FAAH2: variants seen among roughly 807,000 people sequenced by gnomAD.
FAAH2 encodes fatty acid amide hydrolase 2.
Under a neutral mutation model 36.9 loss-of-function variants are expected in FAAH2, and 60 were observed. The observed-to-expected ratio is 1.63, with a 90% CI of 1.32 to 2.02. The LOEUF is 2.02. Ranked by LOEUF, FAAH2 falls within the 30% of genes most tolerant of loss-of-function variation. The pLI, the probability that FAAH2 is intolerant of heterozygous loss-of-function variation, is 0.00. For missense variants in FAAH2, 689 were observed against 397.5 expected (o/e 1.73, Z -6.23); for synonymous variants, 214 against 143.8 (o/e 1.49, Z -3.49).
At chrX:57,222,246 C>T in the FAAH2 span, among the ~76,000 whole-genome samples, 6 of 111,258 alleles carry the variant, frequency 5.4e-5, no homozygotes, top group Non-Finnish European at 9.4e-5. Flanking sequence ...ACCATTATAC[C>T]AGGCTGCTAA....
intron 5 of FAAH2, among the ~76,000 whole-genome samples, chrX:57,350,840 T>C (rs2053980787): frequency 1.8e-5 from 2 of 111,425 alleles, no homozygotes; most frequent in Non-Finnish European, 3.8e-5. Context: ...GCATCCAAAT[T>C]GATAAATATC....
At chrX:57,342,943 C>T (rs969829295) in intron 5 of FAAH2, among the ~76,000 whole-genome samples, 2 of 111,582 alleles carry the variant, frequency 1.8e-5, no homozygotes, top group African/African-American at 6.5e-5. Context: ...CATACTATTG[C>T]AAAGGAATAT....
chrX:57,440,209 A>G lies in FAAH2; in HGVS notation c.1117-6719A>G, dbSNP rs749668038. Among the ~76,000 whole-genome samples, 12 of 111,221 alleles carry G rather than the reference A, an allele frequency of 1.1e-4. No homozygotes were observed. The South Asian group carries it at 4.5e-3, about 42-fold the overall frequency. On this transcript the variant is annotated intron_variant, in intron 8 of 10. Transcript: ENST00000374900. ...CCTTGGGCAGTATGACCATTTTCAA[A>G]ATATTGATTCTTCCTATCCATGAGC...
At chrX:57,430,195 A>T (rs2056261647) in intron 7 of FAAH2, among the ~76,000 whole-genome samples, 1 of 111,847 alleles carries the variant, frequency 8.9e-6, no homozygotes, top group Non-Finnish European at 1.9e-5. Context: ...AAACAAAAAC[A>T]AAAACACCTC....
intron 7 of FAAH2, among the ~76,000 whole-genome samples, chrX:57,385,767 G>A (rs2055004897): frequency 9.0e-6 from 1 of 110,987 alleles, no homozygotes; most frequent in Admixed American, 9.6e-5. Flanking sequence ...AATTAGCCGG[G>A]CGCGGTGGCG....
chrX:57,267,717 G>A, the FAAH2 span, among the ~76,000 whole-genome samples: 5 of 112,142 alleles, frequency 4.5e-5, no homozygotes, highest in South Asian at 3.7e-4. Flanking sequence ...TTTACAGCAC[G>A]CAGCCCAGAA....
chrX:57,336,825 C>G (rs919343050), intron 4 of FAAH2, among the ~76,000 whole-genome samples: 4 of 110,941 alleles, frequency 3.6e-5, no homozygotes, highest in Non-Finnish European at 7.6e-5. Flanking sequence ...CCTAACATCA[C>G]AACTAAAAGA....
At chrX:57,174,741 G>C in the FAAH2 span, among the ~76,000 whole-genome samples, 11 of 111,461 alleles carry the variant, frequency 9.9e-5, no homozygotes, top group Admixed American at 1.1e-3. Flanking sequence ...TCTTAGCCCT[G>C]CTTTTGCTGT....
the FAAH2 span, among the ~76,000 whole-genome samples, chrX:57,187,592 C>A: frequency 9.0e-6 from 1 of 111,014 alleles, no homozygotes; most frequent in Non-Finnish European, 1.9e-5. Flanking sequence ...ACCAGAACTT[C>A]CAATACTATA....
chrX:57,452,648 C>G (rs1420320880), intron 10 of FAAH2, among the ~76,000 whole-genome samples: 1 of 112,020 alleles, frequency 8.9e-6, no homozygotes, highest in Non-Finnish European at 1.9e-5. Flanking sequence ...GTTAAACTAA[C>G]AAATACATAA....
intron 3 of FAAH2, among the ~76,000 whole-genome samples, chrX:57,323,880 A>G (rs189943660): frequency 0.01 from 1,133 of 110,814 alleles, 8 homozygotes; most frequent in Non-Finnish European, 0.017. Flanking sequence ...TTTTGCTGCC[A>G]TTGCTTTTCA....
intron 2 of FAAH2, among the ~76,000 whole-genome samples, chrX:57,306,994 G>GATATATATATATATGTATATATAT (rs770040896): frequency 6.4e-5 from 2 of 31,023 alleles, no homozygotes; most frequent in Non-Finnish European, 7.3e-5. Flanking sequence ...CACACACACA[G>GATATATATATATATGTATATATAT]ATACATATAT....
chrX:57,397,514 T>C (rs2055333324), intron 7 of FAAH2, among the ~76,000 whole-genome samples: 1 of 111,366 alleles, frequency 9.0e-6, no homozygotes, highest in Non-Finnish European at 1.9e-5. Context: ...CTTTACGTTT[T>C]TTCATTTATA....
intron 10 of FAAH2, among the ~76,000 whole-genome samples, chrX:57,472,545 G>A (rs2057190011): frequency 9.0e-6 from 1 of 111,628 alleles, no homozygotes; most frequent in African/African-American, 3.2e-5. Context: ...GCCTCAGTAG[G>A]ATGACACCAG....
intron 7 of FAAH2, among the ~76,000 whole-genome samples, chrX:57,408,041 A>T (rs181534231): frequency 9.0e-6 from 1 of 111,340 alleles, no homozygotes; most frequent in African/African-American, 3.3e-5. Flanking sequence ...TACTGTTTTG[A>T]TTACTATAGC....
chrX:57,242,573 G>A, the FAAH2 span, among the ~76,000 whole-genome samples: 1 of 111,439 alleles, frequency 9.0e-6, no homozygotes, highest in Non-Finnish European at 1.9e-5. Flanking sequence ...TCATCTCATT[G>A]GGACTGGTTA....
the FAAH2 span, among the ~76,000 whole-genome samples, chrX:57,242,055 A>C: frequency 5.3e-5 from 6 of 112,628 alleles, no homozygotes; most frequent in Non-Finnish European, 1.1e-4. Context: ...CTCTGCAGAG[A>C]GCAGCGTATC....
chrX:57,385,178 T>A (rs1446694849), intron 7 of FAAH2, among the ~76,000 whole-genome samples: 1 of 107,837 alleles, frequency 9.3e-6, no homozygotes, highest in East Asian at 2.9e-4. Context: ...ATACCTAATG[T>A]GAATGATGAG....
rs1046556004 is a variant in FAAH2, at chrX:57,393,397, G to T, written c.996+12368G>T. 3.4e-5 allele frequency: 25 copies of T among 742,650 alleles called. No individual in the cohort carries two copies. The African/African-American group carries it at 5.0e-4, about 15-fold the overall frequency. The allele number at this position is 742,650 out of a possible 1,213,427, so 61.2% of individuals were successfully genotyped here. Reference sequence around the variant, plus strand: ...GGTGGAGACCGGAATACTGGGATTTGATGTTAAGAAACTTTTCTATTCCAA... The same window carrying T: ...GGTGGAGACCGGAATACTGGGATTTTATGTTAAGAAACTTTTCTATTCCAA... On this transcript the variant is annotated intron_variant, in intron 7 of 10. Coordinates refer to ENST00000374900, the MANE Select transcript of FAAH2 (RefSeq NM_174912.4).
Sources: allele counts gnomAD v4.1 joint callset (sites outside exome capture counted in the v4.1 genomes callset), GRCh38; gene constraint gnomAD v4.1.1; transcripts MANE v1.5; gene names NCBI Gene and HGNC (gene_info 2026-07-23, HGNC 2026-07-21).